The following SGCZ variants were observed in gnomAD, a reference collection of about 807,000 sequenced individuals.
SGCZ encodes the protein sarcoglycan zeta.
A neutral mutation model predicts 41.3 loss-of-function variants in SGCZ; 40 were observed. The ratio of observed to expected loss-of-function variants is 0.97; its 90% CI spans 0.75 to 1.26. The LOEUF is 1.26. SGCZ is among the 50% of genes most tolerant of loss of function. SGCZ has a pLI of 0.00. For missense variants in SGCZ, 552 were observed against 369.8 expected (o/e 1.49, Z -4.04); for synonymous variants, 206 against 137.5 (o/e 1.50, Z -3.49).
chr8:14,291,127 A>G (rs1800826864), intron 3 of SGCZ, among the ~76,000 whole-genome samples: 1 of 152,078 alleles, frequency 6.6e-6, no homozygotes, highest in South Asian at 2.1e-4. Context: ...TTTTTATCAC[A>G]AAAGTACAGA....
intron 5 of SGCZ, among the ~76,000 whole-genome samples, chr8:14,116,215 G>A (rs983942534): frequency 6.6e-6 from 1 of 151,992 alleles, no homozygotes; most frequent in African/African-American, 2.4e-5. Flanking sequence ...ACAAAATATT[G>A]TATGTTCAAA....
At chr8:15,223,361 C>T (rs2117189483) in intron 1 of SGCZ, among the ~76,000 whole-genome samples, 1 of 152,266 alleles carries the variant, frequency 6.6e-6, no homozygotes, top group East Asian at 1.9e-4. Flanking sequence ...CAAAAGTTGG[C>T]TTCAGAAATC....
intron 1 of SGCZ, among the ~76,000 whole-genome samples, chr8:14,924,253 G>C (rs1476831477): frequency 5.9e-5 from 9 of 152,224 alleles, no homozygotes; most frequent in Non-Finnish European, 1.0e-4. Flanking sequence ...TAGTAAGCTA[G>C]TTACATCTTC....
chr8:14,478,567 T>A (rs1420144049), intron 2 of SGCZ, among the ~76,000 whole-genome samples: 2 of 151,278 alleles, frequency 1.3e-5, no homozygotes, highest in Non-Finnish European at 2.9e-5. Flanking sequence ...CAGACGATTT[T>A]TAGGGCAGTG....
chr8:14,423,746 T>G (rs1040229027), intron 2 of SGCZ, among the ~76,000 whole-genome samples: 2 of 152,144 alleles, frequency 1.3e-5, no homozygotes, highest in African/African-American at 4.8e-5. Context: ...TTCTCTTAAT[T>G]TTCTGTCCTT....
At chr8:14,564,565 C>G (rs1197144610) in intron 1 of SGCZ, among the ~76,000 whole-genome samples, 2 of 152,104 alleles carry the variant, frequency 1.3e-5, no homozygotes, top group African/African-American at 4.8e-5. Flanking sequence ...TTAAAGTACT[C>G]TTTTCATTTT....
intron 1 of SGCZ, among the ~76,000 whole-genome samples, chr8:14,952,448 C>G (rs997870116): frequency 6.6e-6 from 1 of 152,066 alleles, no homozygotes; most frequent in South Asian, 2.1e-4. Flanking sequence ...ACTGGTAATG[C>G]TGCAGTATTT....
intron 5 of SGCZ, among the ~76,000 whole-genome samples, chr8:14,142,547 G>C (rs1281097619): frequency 6.6e-6 from 1 of 151,400 alleles, no homozygotes; most frequent in Non-Finnish European, 1.5e-5. Context: ...TGCTCAGTTT[G>C]AAGCAACTGG....
intron 2 of SGCZ, among the ~76,000 whole-genome samples, chr8:14,351,420 C>G (rs1293015237): frequency 6.6e-6 from 1 of 151,972 alleles, no homozygotes; most frequent in Non-Finnish European, 1.5e-5. Flanking sequence ...CTTCTCTTAC[C>G]TACCCTCATT....
intron 4 of SGCZ, among the ~76,000 whole-genome samples, chr8:14,196,826 A>T (rs1045227125): frequency 1.3e-5 from 2 of 152,200 alleles, no homozygotes; most frequent in African/African-American, 4.8e-5. Flanking sequence ...AATATTTGCC[A>T]TGCTAGCAAG....
intron 3 of SGCZ, among the ~76,000 whole-genome samples, chr8:14,313,375 G>GC (rs1426661710): frequency 2.6e-5 from 4 of 152,062 alleles, no homozygotes; most frequent in Non-Finnish European, 4.4e-5. Context: ...TCACAGTTGC[G>GC]CCATCTCGGC....
Position 14,366,881 on chromosome 8 carries a change from G to A in SGCZ, c.235-42677C>T, listed in dbSNP as rs73520222. 3.4e-3 allele frequency among the ~76,000 whole-genome samples: 519 copies of A among 152,264 alleles called. 4 individuals carry two copies. Among genetic ancestry groups the A allele is most frequent in the African/African-American group, 0.012 (496 of 41,570 alleles). ...CTAGGCCTCTGGGCCTGTGATGGGA[G>A]GGGCTGTCATGAGGTCTGTAACATA... On this transcript the variant is annotated intron_variant, in intron 2 of 7. Transcript: ENST00000382080.
chr8:14,825,993 T>C (rs1015733581), intron 1 of SGCZ, among the ~76,000 whole-genome samples: 4 of 152,076 alleles, frequency 2.6e-5, no homozygotes, highest in Non-Finnish European at 5.9e-5. Flanking sequence ...AATGTGCAGG[T>C]TTGTTACATA....
intron 4 of SGCZ, chr8:14,165,425 A>T (rs1327467307): frequency 1.3e-5 from 2 of 152,148 alleles, no homozygotes; most frequent in Admixed American, 6.5e-5. Context: ...CATATTTAGA[A>T]AACACAATTA....
chr8:14,864,651 G>C (rs1475715135), intron 1 of SGCZ, among the ~76,000 whole-genome samples: 2 of 152,206 alleles, frequency 1.3e-5, no homozygotes, highest in East Asian at 1.9e-4. Context: ...TGTACAAAAA[G>C]AGAAATTCTA....
intron 1 of SGCZ, among the ~76,000 whole-genome samples, chr8:15,111,299 T>A (rs990363434): frequency 1.3e-4 from 20 of 152,178 alleles, no homozygotes; most frequent in Admixed American, 4.6e-4. Flanking sequence ...CAGAGGCAAC[T>A]CTCCCTACAA....
intron 1 of SGCZ, among the ~76,000 whole-genome samples, chr8:14,876,023 C>T (rs1350985835): frequency 6.6e-6 from 1 of 152,120 alleles, no homozygotes; most frequent in Non-Finnish European, 1.5e-5. Flanking sequence ...TAACAAAAGC[C>T]ACAGAACAAA....
intron 1 of SGCZ, among the ~76,000 whole-genome samples, chr8:14,651,033 A>G (rs757307952): frequency 4.9e-4 from 75 of 152,084 alleles, no homozygotes; most frequent in Admixed American, 1.2e-3. Flanking sequence ...TAGTAGTTGT[A>G]ATCATCTTTA....
intron 1 of SGCZ, among the ~76,000 whole-genome samples, chr8:14,978,847 G>A (rs1801573165): frequency 6.6e-6 from 1 of 152,084 alleles, no homozygotes; most frequent in Non-Finnish European, 1.5e-5. Context: ...CACCCAGGCT[G>A]GAGTGCAGTG....
Sources: allele counts gnomAD v4.1 joint callset (sites outside exome capture counted in the v4.1 genomes callset), GRCh38; gene constraint gnomAD v4.1.1; transcripts MANE v1.5; gene names NCBI Gene and HGNC (gene_info 2026-07-23, HGNC 2026-07-21).